Variants in CFAP74 observed in about 807,000 individuals in gnomAD.
CFAP74 encodes cilia and flagella associated protein 74.
A neutral mutation model predicts 188.9 loss-of-function variants in CFAP74; 124 were observed. The observed-to-expected ratio is 0.66, with a 90% confidence interval of 0.57 to 0.76. The LOEUF (loss-of-function observed/expected upper bound fraction) is 0.76. Ranked by LOEUF, CFAP74 falls within the 30% of genes least tolerant of loss-of-function variation. CFAP74 has a pLI of 0.00. For missense variants in CFAP74, 2,198 were observed against 2,165.2 expected, an observed-to-expected ratio of 1.02 and a Z score of -0.30; for synonymous variants, 956 against 916.7, an observed-to-expected ratio of 1.04 and a Z score of -0.77.
intron 26 of CFAP74, among the ~76,000 whole-genome samples, 160 bp from the exon 27 acceptor site, chr1:1,929,042 C>T (rs910809127): frequency 3.9e-5 from 6 of 152,182 alleles, no homozygotes; most frequent in African/African-American, 1.4e-4. Context: ...CCTCCCTGAC[C>T]TCTGTCCCCC....
rs182954733 is a variant in CFAP74, at chr1:1,976,175, C to T, written c.501-1977G>A. Among the ~76,000 whole-genome samples, 62 of 152,356 alleles carry T rather than the reference C, an allele frequency of 4.1e-4. No individual in the cohort carries two copies. In the East Asian group the frequency reaches 6.2e-3, roughly 15 times the overall value. ...CCATGGCCGAATCTCCCAGAGACCC[C>T]ACCTCTTCCTGCCGTCACCTCCAGG... is the stretch of plus-strand genomic sequence containing the variant. On this transcript the variant is annotated intron_variant, in intron 6 of 38. Transcript: ENST00000682832.
chr1:1,926,108 C>G (rs1424986803), intron 32 of CFAP74, 120 bp downstream of exon 32: 32 of 1,426,890 alleles, frequency 2.2e-5, no homozygotes, highest in Non-Finnish European at 3.0e-5. Flanking sequence ...CCAGGCTGCT[C>G]GCAGACCCAG....
At chr1:1,946,239 G>C (rs1163007994) in intron 20 of CFAP74, 78 bp downstream of exon 20, 2 of 1,452,238 alleles carry the variant, frequency 1.4e-6, no homozygotes, top group East Asian at 5.0e-5. Flanking sequence ...GCGACCTTGT[G>C]GCCAAGGGCA....
At position 1,947,126 on chromosome 1, in the gene CFAP74, C is replaced by T. The variant is rs144325981; in HGVS notation, c.2177-72G>A. On this transcript the variant is annotated intron_variant, in intron 18 of 38. Coordinates refer to ENST00000682832, the MANE Select transcript of CFAP74 (RefSeq NM_001304360.2). ...CAGTGTGGCCCAGGCCCCCTTGGGA[C>T]GTGGTCACCACCTCCAAACCCATAT... 205 of 1,111,608 alleles carry T rather than the reference C, an allele frequency of 1.8e-4. No homozygotes were observed. In the African/African-American group the frequency reaches 2.6e-3, roughly 14 times the overall value. The allele number at this position is 1,111,608 out of a possible 1,614,324, so 68.9% of individuals were successfully genotyped here.
intron 33 of CFAP74, among the ~76,000 whole-genome samples, chr1:1,925,574 TC>T: frequency 6.6e-6 from 1 of 152,076 alleles, no homozygotes; most frequent in Non-Finnish European, 1.5e-5. Flanking sequence ...CTAGGGGACA[TC>T]TGCAGCCTCC....
chr1:1,939,645 G>A lies in CFAP74; in HGVS notation c.2826C>T (p.Leu942=), dbSNP rs1437155728. The change falls in exon 24 of 39, where the codon CTC becomes CTT. Residue 942 remains leucine (L), a synonymous_variant. Transcript: ENST00000682832. ...CCTGGGGCAGGAGCGAGTGGTTGTG[G>A]AGGCTGATTTCCGTCCTGATGGCCT... ...IYEAIRTEIS[L]HNHSLLPQEF... 2 of 1,535,982 alleles carry A rather than the reference G, an allele frequency of 1.3e-6. No homozygotes were observed. Among genetic ancestry groups the A allele is most frequent in the Non-Finnish European group, 1.7e-6 (2 of 1,146,894 alleles).
At position 1,974,063 on chromosome 1, in the gene CFAP74, G is replaced by C; in HGVS notation, c.636C>G (p.Ala212=). ...GTCGGTTCCGCTCCACCTTCCCCAG[G>C]GCCTCCTGCTCTCTGCAGAGCTGCT... The part of the protein sequence containing the change: ...AAEQLCREQE[A]LGKVERNRLL... The change falls in exon 7 of 39, where the codon GCC becomes GCG. Residue 212 remains alanine, a synonymous_variant. Transcript: ENST00000682832. 6.2e-7 allele frequency: 1 copy of C among 1,600,622 alleles called. No homozygotes were observed. The highest frequency in any genetic ancestry group is 8.5e-7 in the Non-Finnish European group (1 of 1,171,668).
At position 1,936,720 on chromosome 1, in the gene CFAP74, A is replaced by G. The variant is rs565338469; in HGVS notation, c.3011+2135T>C. Reference sequence around the variant, plus strand: ...TGAATTCAAGACCAGCTTGGGCAACATAGTGAGACCCCATCTCTACAAAAA... The same window carrying G: ...TGAATTCAAGACCAGCTTGGGCAACGTAGTGAGACCCCATCTCTACAAAAA... On this transcript the variant is annotated intron_variant, in intron 25 of 38. Coordinates refer to ENST00000682832, the MANE Select transcript of CFAP74 (RefSeq NM_001304360.2). Among the ~76,000 whole-genome samples the G allele has an allele frequency of 2.0e-5, 3 of 152,184 alleles. No individual in the cohort carries two copies. In the East Asian group the frequency reaches 5.8e-4, roughly 29 times the overall value.
rs536745546 is a variant in CFAP74 at position 1,955,296 on chromosome 1, C to T, written c.2176+395G>A. On this transcript the variant is annotated intron_variant, in intron 18 of 38. Transcript: ENST00000682832. Reference sequence around the variant, plus strand: ...AGGCATGGGGAGGGCAGGGCCCGCCCGTTTCTCGGCACCTCTCCCCGCTGG... The same window carrying T: ...AGGCATGGGGAGGGCAGGGCCCGCCTGTTTCTCGGCACCTCTCCCCGCTGG... 1.5e-5 allele frequency: 19 copies of T among 1,297,416 alleles called. No homozygotes were observed. The African/African-American group carries it at 1.8e-4, about 12-fold the overall frequency. 80.4% of individuals were successfully genotyped at this position (1,297,416 alleles called of 1,614,324 possible).
chr1:1,986,837 T>C (rs929960085), intron 5 of CFAP74, 100 bp downstream of exon 5: 1 of 991,048 alleles, frequency 1.0e-6, no homozygotes, highest in African/African-American at 1.6e-5. Flanking sequence ...CTCATTGGCC[T>C]GAACACAGCA....
intron 28 of CFAP74, 53 bp from the exon 29 acceptor site, chr1:1,927,081 C>T (rs993085561): frequency 3.2e-6 from 5 of 1,547,412 alleles, no homozygotes; most frequent in Non-Finnish European, 4.4e-6. Flanking sequence ...CCACCATCGG[C>T]CCAGGCCGGA....
intron 25 of CFAP74, 44 bp from the exon 26 acceptor site, chr1:1,930,380 C>A: frequency 1.4e-6 from 2 of 1,474,122 alleles, no homozygotes; most frequent in Non-Finnish European, 1.8e-6. Context: ...GCAGGGCGTC[C>A]GTGTCCCTCT....
Position 1,943,953 on chromosome 1 carries a change from C to T in CFAP74, c.2486+378G>A, listed in dbSNP as rs542065141. Among the ~76,000 whole-genome samples the T allele has an allele frequency of 4.9e-4, 74 of 152,300 alleles. 1 individual carries two copies. The highest frequency in any genetic ancestry group is 6.2e-4 in the Non-Finnish European group (42 of 68,026). On this transcript the variant is annotated intron_variant, in intron 21 of 38. Coordinates refer to ENST00000682832, the MANE Select transcript of CFAP74 (RefSeq NM_001304360.2). The stretch of plus-strand genomic sequence containing the variant: ...TCCTCCATCTTGGAAGCCGACAGTG[C>T]AGTGTCTTCAAATCGGCCTGACTCT...
In CFAP74 at chr1:1,968,909, C is replaced by T. The variant is rs1484470497; in HGVS notation, c.1047-76G>A. 4.0e-5 allele frequency: 56 copies of T among 1,405,998 alleles called. No homozygotes were observed. Among genetic ancestry groups the T allele is most frequent in the African/African-American group, 5.6e-5 (4 of 70,932 alleles). The allele number at this position is 1,405,998 out of a possible 1,614,324, so 87.1% of individuals were successfully genotyped here. Reference sequence around the variant, plus strand: ...TTGCCCCAGATGAGACAGTGCCCGGCGGCCCCTCCCTAGCGCCCTCCTGGG... The same window carrying T: ...TTGCCCCAGATGAGACAGTGCCCGGTGGCCCCTCCCTAGCGCCCTCCTGGG... On this transcript the variant is annotated intron_variant, in intron 10 of 38. Transcript: ENST00000682832. This position sits in a 1 kb window ranked among gnomAD's most constrained non-coding sequence, Gnocchi z 4.3.
In CFAP74 at chr1:1,923,725, G is replaced by A; in HGVS notation, c.4389+50C>T. On this transcript the variant is annotated intron_variant, in intron 35 of 38. Coordinates refer to ENST00000682832, the MANE Select transcript of CFAP74 (RefSeq NM_001304360.2). This position sits in a 1 kb window ranked among gnomAD's most constrained non-coding sequence, Gnocchi z 6.3. Reference sequence around the variant, plus strand: ...GCAGTGCAGCCAAAGGCAAGGCCCTGCGTGGGGCCAGGGCCGGGCCGGGCT... The same window carrying A: ...GCAGTGCAGCCAAAGGCAAGGCCCTACGTGGGGCCAGGGCCGGGCCGGGCT... The A allele has an allele frequency of 6.2e-7, 1 of 1,611,568 alleles. No homozygotes were observed. Among genetic ancestry groups the A allele is most frequent in the East Asian group, 2.2e-5 (1 of 44,862 alleles).
intron 25 of CFAP74, among the ~76,000 whole-genome samples, chr1:1,936,443 C>T (rs1345610267): frequency 6.6e-6 from 1 of 151,910 alleles, no homozygotes; most frequent in African/African-American, 2.4e-5. Flanking sequence ...ACTCGGGAGG[C>T]TGAGGCAGGA....
rs13302978 is a variant in CFAP74 at position 1,964,663 on chromosome 1, G to A, written c.1575+225C>T. On this transcript the variant is annotated intron_variant, in intron 13 of 38. Transcript: ENST00000682832. Reference sequence around the variant, plus strand: ...AAATTAGCCAGGCGTGGTGGCAGGCGCCTGTAATCCCTGCTACTCGGGAGG... The same window carrying A: ...AAATTAGCCAGGCGTGGTGGCAGGCACCTGTAATCCCTGCTACTCGGGAGG... Among the ~76,000 whole-genome samples the A allele has an allele frequency of 0.22, 32,841 of 152,154 alleles. 3,751 individuals carry two copies. Among genetic ancestry groups the A allele is most frequent in the East Asian group, 0.26 (1,362 of 5,178 alleles).
intron 14 of CFAP74, among the ~76,000 whole-genome samples, chr1:1,962,953 C>T (rs938635100): frequency 1.3e-5 from 2 of 152,074 alleles, no homozygotes; most frequent in Admixed American, 6.5e-5. Context: ...CATCAGACAC[C>T]AAAGACCAGC....
At chr1:1,924,647 G>T in intron 33 of CFAP74, 127 bp from the exon 34 acceptor site, 1 of 1,022,324 alleles carries the variant, frequency 9.8e-7, no homozygotes, top group Non-Finnish European at 1.4e-6. Flanking sequence ...GTGGCCTGAT[G>T]ACGCCAGCAC....
Sources: gnomAD v4.1 joint callset for allele counts (sites outside exome capture counted in the v4.1 genomes callset) on GRCh38, gnomAD v4.1.1 for gene constraint, Gnocchi (gnomAD v3.1) non-coding constraint, MANE v1.5 for transcripts, NCBI Gene and HGNC (gene_info 2026-07-23, HGNC 2026-07-21) for gene names.